GRB10: variants seen among roughly 807,000 people sequenced by gnomAD.
GRB10 encodes the protein growth factor receptor-bound protein 10.
In GRB10, 20 loss-of-function variants were observed where a neutral mutation model predicts 80.9. The observed-to-expected ratio is 0.25, with a 90% CI of 0.17 to 0.36. The LOEUF is 0.36. Ranked by LOEUF, GRB10 falls within the 10% of genes least tolerant of loss-of-function variation. The probability of loss-of-function intolerance (pLI) is 1.00; values close to 1 mark genes in which losing one functional copy is unlikely to be tolerated. For missense variants in GRB10, 548 were observed against 747.7 expected (o/e 0.73, Z 3.12); for synonymous variants, 291 against 291.5 (o/e 1.00, Z 0.02).
At chr7:50,596,608 G>A (rs1331701908) in intron 17 of GRB10, among the ~76,000 whole-genome samples, 1 of 152,180 alleles carries the variant, frequency 6.6e-6, no homozygotes, top group Non-Finnish European at 1.5e-5. Flanking sequence ...TTAACTTCCT[G>A]GTTTTTATAA....
chr7:50,606,207 G>A lies in GRB10; in HGVS notation c.1272+130C>T. ...ACCCACGTCATCGTGGGACATACTG[G>A]CTTCCCTGAAATGCACACACACTCT... is the stretch of plus-strand genomic sequence containing the variant. On this transcript the variant is annotated intron_variant, in intron 14 of 18. Transcript: ENST00000401949. 6.2e-6 allele frequency: 5 copies of A among 812,390 alleles called. No individual in the cohort carries two copies. The South Asian group carries it at 6.7e-5, about 11-fold the overall frequency. 50.3% of individuals were successfully genotyped at this position (812,390 alleles called of 1,614,324 possible).
chr7:50,726,397 C>CA (rs200348019), intron 4 of GRB10, among the ~76,000 whole-genome samples: 1,509 of 147,566 alleles, frequency 0.01, 30 homozygotes, highest in Admixed American at 0.042. Flanking sequence ...GACTCTGTCT[C>CA]AAAAAAAACA....
At chr7:50,791,803 T>A (rs1243828940) in intron 1 of GRB10, among the ~76,000 whole-genome samples, 1 of 152,224 alleles carries the variant, frequency 6.6e-6, no homozygotes. Flanking sequence ...AGAGTTTTGA[T>A]TTTTAAGAGA....
chr7:50,595,095 C>T (rs1375073889), intron 18 of GRB10, among the ~76,000 whole-genome samples: 1 of 152,030 alleles, frequency 6.6e-6, no homozygotes, highest in African/African-American at 2.4e-5. Flanking sequence ...CTTGATCCTT[C>T]CCATCAGTAC....
chr7:50,631,636 T>C (rs1367139288), intron 7 of GRB10, among the ~76,000 whole-genome samples: 2 of 152,184 alleles, frequency 1.3e-5, no homozygotes, highest in African/African-American at 4.8e-5. Context: ...TAAGAGAAAT[T>C]ATCAAAGCAG....
At chr7:50,721,726 T>C (rs1042100770) in intron 4 of GRB10, among the ~76,000 whole-genome samples, 7 of 152,028 alleles carry the variant, frequency 4.6e-5, no homozygotes, top group Admixed American at 1.3e-4. Context: ...AGAAGGGTGA[T>C]AGGTCTCCAC....
intron 2 of GRB10, among the ~76,000 whole-genome samples, chr7:50,775,154 C>A (rs1248653113): frequency 6.2e-5 from 1 of 16,076 alleles, no homozygotes. Context: ...CAGTGAGATC[C>A]TGTCTCCAAA....
intron 10 of GRB10, 52 bp downstream of exon 10, chr7:50,618,019 G>T: frequency 7.3e-7 from 1 of 1,373,288 alleles, no homozygotes; most frequent in Non-Finnish European, 1.0e-6. Flanking sequence ...AGTTCCAAGA[G>T]GATTTCTATT....
intron 5 of GRB10, among the ~76,000 whole-genome samples, chr7:50,691,885 A>T (rs917150846): frequency 5.3e-5 from 8 of 152,284 alleles, no homozygotes; most frequent in Non-Finnish European, 7.4e-5. Flanking sequence ...ACTTTTCAGG[A>T]CTATGCTGAG....
intron 5 of GRB10, among the ~76,000 whole-genome samples, chr7:50,693,844 G>A (rs7787444): frequency 0.013 from 1,935 of 152,144 alleles, 45 homozygotes; most frequent in African/African-American, 0.044. Flanking sequence ...CAGGACCATA[G>A]CCTGCCCTGC....
intron 2 of GRB10, among the ~76,000 whole-genome samples, chr7:50,772,564 G>A (rs1286963880): frequency 1.3e-5 from 2 of 152,150 alleles, no homozygotes; most frequent in Admixed American, 6.5e-5. Flanking sequence ...ACACAGTATT[G>A]GAAGCTCTAG....
intron 14 of GRB10, among the ~76,000 whole-genome samples, chr7:50,605,666 G>A (rs11772525): frequency 0.14 from 20,741 of 152,134 alleles, 1,629 homozygotes; most frequent in Non-Finnish European, 0.18. Flanking sequence ...CCCGGCACCC[G>A]CAGCATTTGG....
At chr7:50,679,694 G>C (rs1295288655) in intron 5 of GRB10, among the ~76,000 whole-genome samples, 4 of 152,146 alleles carry the variant, frequency 2.6e-5, no homozygotes, top group African/African-American at 9.7e-5. Context: ...CAGCTGGGGT[G>C]GGGGTATATC....
intron 5 of GRB10, 136 bp downstream of exon 5, chr7:50,703,685 G>A: frequency 1.5e-6 from 1 of 675,656 alleles, no homozygotes; most frequent in South Asian, 1.5e-5. Context: ...GGAATTCACT[G>A]TCCTTAATGA....
intron 6 of GRB10, among the ~76,000 whole-genome samples, chr7:50,673,239 C>T (rs1327602924): frequency 6.6e-6 from 1 of 152,176 alleles, no homozygotes; most frequent in Non-Finnish European, 1.5e-5. Context: ...GGGGCAGTCC[C>T]AGCAGAGATG....
At position 50,661,972 on chromosome 7, in the gene GRB10, T is replaced by C. The variant is rs567117910; in HGVS notation, c.504+7750A>G. On this transcript the variant is annotated intron_variant, in intron 7 of 18. Coordinates refer to ENST00000401949, the MANE Select transcript of GRB10 (RefSeq NM_001350814.2). ...TCTGCAAAAGCAACTCTCCTTACAA[T>C]AGAGACCAGACAGATTTGGTTTTAT... is the stretch of plus-strand genomic sequence containing the variant. Among the ~76,000 whole-genome samples, 143 of 152,278 alleles carry C rather than the reference T, an allele frequency of 9.4e-4. 1 individual carries two copies. The highest frequency in any genetic ancestry group is 3.4e-3 in the Middle Eastern group (1 of 294).
intron 2 of GRB10, among the ~76,000 whole-genome samples, chr7:50,773,468 CAGGGGAGGGGAAGGCAGGGG>C (rs1292618066): frequency 5.3e-4 from 5 of 9,366 alleles, no homozygotes; most frequent in Admixed American, 2.2e-3. Flanking sequence ...GAGGGGAAGG[CAGGGGAGGGGAAGGCAGGGG>C]AGGGGAGGGG....
intron 8 of GRB10, among the ~76,000 whole-genome samples, chr7:50,620,843 C>A (rs1038318329): frequency 6.6e-6 from 1 of 152,188 alleles, no homozygotes; most frequent in African/African-American, 2.4e-5. Flanking sequence ...GAAAACAAAT[C>A]AATGACTTCT....
chr7:50,626,357 G>A (rs756779368), intron 8 of GRB10, among the ~76,000 whole-genome samples: 3 of 152,150 alleles, frequency 2.0e-5, no homozygotes, highest in African/African-American at 4.8e-5. Context: ...AATTCCCAGC[G>A]GACCTCTCTG....
Sources: gnomAD v4.1 joint callset for allele counts (sites outside exome capture counted in the v4.1 genomes callset) on GRCh38, gnomAD v4.1.1 for gene constraint, MANE v1.5 for transcripts, NCBI Gene and HGNC (gene_info 2026-07-23, HGNC 2026-07-21) for gene names.